GRIA1: variants seen among roughly 807,000 people sequenced by gnomAD.
GRIA1 encodes glutamate receptor 1.
Under a neutral mutation model 99.2 loss-of-function variants are expected in GRIA1, and 31 were observed. The observed-to-expected ratio is 0.31, with a 90% CI of 0.23 to 0.42. The LOEUF (loss-of-function observed/expected upper bound fraction) is 0.42. GRIA1 is among the 10% of genes least tolerant of loss of function. The pLI is 1.00. For synonymous variants in GRIA1, 438 were observed against 432.4 expected (o/e 1.01, Z -0.16); for missense variants, 782 against 1,157.5 (o/e 0.68, Z 4.71).
At chr5:153,685,861 A>G (rs1029098155) in intron 7 of GRIA1, among the ~76,000 whole-genome samples, 2 of 152,152 alleles carry the variant, frequency 1.3e-5, no homozygotes, top group African/African-American at 4.8e-5. Context: ...CAGGCCCCCC[A>G]TACTTTCTTC....
chr5:153,583,726 G>A (rs1763237344), intron 2 of GRIA1, among the ~76,000 whole-genome samples: 1 of 152,106 alleles, frequency 6.6e-6, no homozygotes, highest in Non-Finnish European at 1.5e-5. Context: ...CATGGGGTAT[G>A]GGAATCTGTA....
At chr5:153,748,312 A>C (rs543516849) in intron 11 of GRIA1, among the ~76,000 whole-genome samples, 31 of 152,312 alleles carry the variant, frequency 2.0e-4, no homozygotes, top group African/African-American at 7.2e-4. Context: ...ATTTCAGGGA[A>C]GTGAGTTCCA....
chr5:153,657,200 C>A lies in GRIA1; in HGVS notation c.699+1328C>A, dbSNP rs117880362. Among the ~76,000 whole-genome samples the A allele has an allele frequency of 7.4e-4, 113 of 152,148 alleles. 1 individual carries two copies. The East Asian group carries it at 0.021, about 28-fold the overall frequency. ...ACAAGATTTTCACTTTAATATATACCTAGGCATGGAATTACTGGGTTATAT... is the reference window on the plus strand; with the variant it reads ...ACAAGATTTTCACTTTAATATATACATAGGCATGGAATTACTGGGTTATAT... On this transcript the variant is annotated intron_variant, in intron 5 of 15. Transcript: ENST00000285900.
chr5:153,527,095 C>T (rs1757666339), intron 2 of GRIA1, among the ~76,000 whole-genome samples: 2 of 152,130 alleles, frequency 1.3e-5, no homozygotes, highest in South Asian at 4.1e-4. Context: ...CAAATTTAAT[C>T]CAGTGCCATA....
At chr5:153,776,979 T>C (rs545943792) in intron 13 of GRIA1, among the ~76,000 whole-genome samples, 11 of 152,364 alleles carry the variant, frequency 7.2e-5, no homozygotes, top group African/African-American at 2.4e-4. Context: ...GAGAATCACA[T>C]TGACCCAGAA....
intron 11 of GRIA1, among the ~76,000 whole-genome samples, chr5:153,718,782 C>A (rs957082763): frequency 6.6e-6 from 1 of 152,170 alleles, no homozygotes; most frequent in African/African-American, 2.4e-5. Context: ...TGACAGGCAT[C>A]TCCTTATCTG....
At chr5:153,628,559 C>T (rs1192351529) in intron 2 of GRIA1, among the ~76,000 whole-genome samples, 1 of 152,206 alleles carries the variant, frequency 6.6e-6, no homozygotes, top group Non-Finnish European at 1.5e-5. Flanking sequence ...TTTCAGTGAA[C>T]ATTATCTCAG....
At chr5:153,503,845 G>A (rs1755234506) in intron 2 of GRIA1, among the ~76,000 whole-genome samples, 1 of 152,172 alleles carries the variant, frequency 6.6e-6, no homozygotes, top group East Asian at 1.9e-4. Context: ...TTTAACTTCA[G>A]GTATAGCCAA....
chr5:153,532,556 T>C (rs1758185397), intron 2 of GRIA1, among the ~76,000 whole-genome samples: 1 of 152,222 alleles, frequency 6.6e-6, no homozygotes, highest in African/African-American at 2.4e-5. Flanking sequence ...TGCTCTTCAG[T>C]TTCCACAAAC....
intron 2 of GRIA1, among the ~76,000 whole-genome samples, chr5:153,506,316 G>GGGGTGTGT (rs1426977118): frequency 2.9e-5 from 4 of 140,326 alleles, no homozygotes; most frequent in East Asian, 2.1e-4. Flanking sequence ...TGGCAAGAAG[G>GGGGTGTGT]GTGTGTGTGT....
chr5:153,608,887 A>G (rs1463873288), intron 2 of GRIA1, among the ~76,000 whole-genome samples: 2 of 152,138 alleles, frequency 1.3e-5, no homozygotes, highest in Non-Finnish European at 2.9e-5. Context: ...TTTCCCTAGT[A>G]GATATATGTT....
At chr5:153,794,853 A>C (rs1269962528) in intron 14 of GRIA1, 118 bp downstream of exon 14, 1 of 650,352 alleles carries the variant, frequency 1.5e-6, no homozygotes, top group Non-Finnish European at 2.7e-6. Context: ...AAGATAAATT[A>C]ATGTCAAAGG....
intron 1 of GRIA1, among the ~76,000 whole-genome samples, chr5:153,492,732 A>T (rs1754042738): frequency 6.6e-6 from 1 of 152,124 alleles, no homozygotes; most frequent in Admixed American, 6.5e-5. Flanking sequence ...TATTTTTAAA[A>T]TTATATTTAG....
chr5:153,697,159 T>A (rs1758170299), intron 8 of GRIA1, among the ~76,000 whole-genome samples: 1 of 152,218 alleles, frequency 6.6e-6, no homozygotes, highest in Non-Finnish European at 1.5e-5. Context: ...TGATTCCTCC[T>A]GTTGCATTTT....
At chr5:153,585,059 G>C (rs1763352689) in intron 2 of GRIA1, among the ~76,000 whole-genome samples, 1 of 152,166 alleles carries the variant, frequency 6.6e-6, no homozygotes, top group Non-Finnish European at 1.5e-5. Flanking sequence ...CAGGAACAAT[G>C]AAGTAAGTAT....
chr5:153,655,970 G>A, intron 5 of GRIA1, 98 bp downstream of exon 5: 5 of 952,534 alleles, frequency 5.2e-6, no homozygotes, highest in Non-Finnish European at 8.6e-6. Flanking sequence ...TGAGTAGGTG[G>A]AAGGGGCAAT....
At chr5:153,521,166 A>G (rs1468089247) in intron 2 of GRIA1, among the ~76,000 whole-genome samples, 2 of 152,376 alleles carry the variant, frequency 1.3e-5, no homozygotes, top group East Asian at 3.9e-4. Flanking sequence ...GGCATGAAGG[A>G]TGGAAAGCAT....
At chr5:153,724,648 T>C (rs1263774624) in intron 11 of GRIA1, among the ~76,000 whole-genome samples, 6 of 151,934 alleles carry the variant, frequency 3.9e-5, no homozygotes, top group Non-Finnish European at 7.4e-5. Context: ...AGGGTATCAG[T>C]GATGGAAGAT....
At chr5:153,722,933 C>G (rs1760185533) in intron 11 of GRIA1, among the ~76,000 whole-genome samples, 1 of 152,134 alleles carries the variant, frequency 6.6e-6, no homozygotes, top group African/African-American at 2.4e-5. Context: ...TTTTTCTGAA[C>G]AGTTTCACAC....
Sources: allele counts gnomAD v4.1 joint callset (sites outside exome capture counted in the v4.1 genomes callset), GRCh38; gene constraint gnomAD v4.1.1; transcripts MANE v1.5; gene names NCBI Gene and HGNC (gene_info 2026-07-23, HGNC 2026-07-21).